Variants in TRIO observed in about 807,000 individuals in gnomAD.
TRIO encodes the protein trio Rho guanine nucleotide exchange factor, also known as triple functional domain protein.
In TRIO, 58 loss-of-function variants were observed where a neutral mutation model predicts 351.9. That is an observed-to-expected ratio of 0.16 (90% CI 0.13 to 0.21). The LOEUF is 0.21. TRIO is among the 10% of genes least tolerant of loss of function. TRIO has a pLI of 1.00. For synonymous variants in TRIO, 1,758 were observed against 1,595.7 expected, an observed-to-expected ratio of 1.10 and a Z score of -2.42; for missense variants, 3,201 against 4,027.8, an observed-to-expected ratio of 0.79 and a Z score of 5.56.
intron 11 of TRIO, among the ~76,000 whole-genome samples, chr5:14,348,592 T>C (rs1335649908): frequency 6.6e-6 from 1 of 152,222 alleles, no homozygotes; most frequent in Non-Finnish European, 1.5e-5. Flanking sequence ...TGCATGTGCA[T>C]GCACATCAGC....
chr5:14,375,791 G>GA (rs1257103763), intron 19 of TRIO, among the ~76,000 whole-genome samples: 2 of 152,146 alleles, frequency 1.3e-5, no homozygotes, highest in Admixed American at 1.3e-4. Context: ...TAGGAGACTA[G>GA]AAAAAATGCG....
In TRIO at chr5:14,498,071, G is replaced by A. The variant is rs776776735; in HGVS notation, c.8048-18G>A. The A allele has an allele frequency of 1.4e-5, 22 of 1,613,868 alleles. No individual in the cohort carries two copies. Among genetic ancestry groups the A allele is most frequent in the South Asian group, 9.9e-5 (9 of 91,052 alleles). On this transcript the variant is annotated intron_variant, in intron 51 of 56. Coordinates refer to ENST00000344204, the MANE Select transcript of TRIO (RefSeq NM_007118.4). ...GAGCCAGGGCTGATGGGCCTTTACC[G>A]ACTCCTTTCCCATGCAGTTCCCCCA... is the stretch of plus-strand genomic sequence containing the variant.
rs1045136451 is a variant in TRIO, at chr5:14,143,759, G to C, written c.34G>C (p.Ala12Pro). Residue 12 changes from alanine (A) to proline (P), a missense_variant, in exon 1 of 57, where the codon GCC becomes CCC. Ala to Pro is a conservative substitution (Grantham distance 27). This residue lies in a region of TRIO where 109 missense variants were observed against 134.6 expected (regional missense o/e 0.81). Transcript: ENST00000344204. ...CAGCAGCGGCGGAGCCGCCGCCCCC[G>C]CCGCGTCCTCCGGCCCCGCCGCGGC... ...SGSSGGAAAPAASSGPAAAAS... is the reference protein window; with the variant it reads ...SGSSGGAAAPPASSGPAAAAS... 1 of 993,654 alleles carries C rather than the reference G, an allele frequency of 1.0e-6. No individual in the cohort carries two copies. Among genetic ancestry groups the C allele is most frequent in the African/African-American group, 1.8e-5 (1 of 56,906 alleles). 61.6% of individuals were successfully genotyped at this position (993,654 alleles called of 1,614,324 possible). A position where few individuals can be genotyped will look rare whatever the true frequency, so the allele number is the denominator to read the frequency against.
chr5:14,219,626 G>A (rs1163968598), intron 1 of TRIO, among the ~76,000 whole-genome samples: 2 of 152,122 alleles, frequency 1.3e-5, no homozygotes, highest in Non-Finnish European at 2.9e-5. Context: ...AACCTGGGCC[G>A]GGTCTTCTGC....
At chr5:14,481,825 C>T in intron 45 of TRIO, 1 of 511,906 alleles carries the variant, frequency 2.0e-6, no homozygotes, top group Non-Finnish European at 3.3e-6. Flanking sequence ...TTGGGACTTG[C>T]CTGTGCTCAA....
At chr5:14,436,759 A>G (rs1425536728) in intron 34 of TRIO, among the ~76,000 whole-genome samples, 1 of 152,196 alleles carries the variant, frequency 6.6e-6, no homozygotes, top group Non-Finnish European at 1.5e-5. Flanking sequence ...AAACTCAGAA[A>G]TGATCTCCTT....
chr5:14,199,180 C>A, intron 1 of TRIO, among the ~76,000 whole-genome samples: 1 of 105,306 alleles, frequency 9.5e-6, no homozygotes, highest in African/African-American at 3.8e-5. Context: ...CCAGCCTGGG[C>A]AACAGAGTGG....
chr5:14,169,641 CCTTA>C (rs544940081), intron 1 of TRIO, among the ~76,000 whole-genome samples: 61 of 152,232 alleles, frequency 4.0e-4, no homozygotes, highest in African/African-American at 1.4e-3. Context: ...ACTTGTTCAC[CCTTA>C]CTTTGTGCAG....
At chr5:14,148,124 CTATT>C (rs1787621180) in intron 1 of TRIO, among the ~76,000 whole-genome samples, 1 of 152,184 alleles carries the variant, frequency 6.6e-6, no homozygotes, top group Non-Finnish European at 1.5e-5. Flanking sequence ...TGCAATTTAA[CTATT>C]TAAGATTCAA....
chr5:14,144,829 C>T (rs1422816098), intron 1 of TRIO, among the ~76,000 whole-genome samples: 1 of 151,736 alleles, frequency 6.6e-6, no homozygotes, highest in East Asian at 1.9e-4. Flanking sequence ...GCCGGGCCCG[C>T]GTCCCCGCGT....
intron 1 of TRIO, among the ~76,000 whole-genome samples, chr5:14,233,626 C>T (rs1793600706): frequency 1.3e-5 from 2 of 152,074 alleles, no homozygotes; most frequent in Non-Finnish European, 2.9e-5. Flanking sequence ...CACAGTGGCA[C>T]ACTGAATCTA....
chr5:14,497,639 TTG>T lies in TRIO; in HGVS notation c.8020-204_8020-203del, dbSNP rs2126679604. On this transcript the variant is annotated intron_variant, in intron 50 of 56. Transcript: ENST00000344204. The surrounding 1 kb of genome is among the most constrained non-coding windows in gnomAD (Gnocchi z 4.4). ...AAAAACACACATCTAAGCAGTGTTT[TTG>T]TGTTTGTGGGTAGGAAGAAAAAGAC... is the stretch of plus-strand genomic sequence containing the variant. 6.6e-6 allele frequency among the ~76,000 whole-genome samples: 1 copy of T among 152,262 alleles called. No individual in the cohort carries two copies. Among genetic ancestry groups the T allele is most frequent in the East Asian group, 1.9e-4 (1 of 5,178 alleles).
chr5:14,353,302 C>T (rs934009328), intron 11 of TRIO, among the ~76,000 whole-genome samples: 1 of 137,942 alleles, frequency 7.2e-6, no homozygotes, highest in African/African-American at 2.7e-5. Context: ...GAGACTGAGT[C>T]GCCCAGGCTG....
intron 34 of TRIO, among the ~76,000 whole-genome samples, chr5:14,448,701 T>A (rs927630508): frequency 2.0e-5 from 3 of 152,114 alleles, no homozygotes; most frequent in Admixed American, 6.5e-5. Flanking sequence ...GGCATGGATG[T>A]CTTCAGCTGG....
rs144114662 is a variant in TRIO at position 14,502,605 on chromosome 5, A to T, written c.8359A>T (p.Thr2787Ser). The change falls in exon 54 of 57, where the codon ACC (threonine) becomes TCC (serine). Residue 2787 changes from threonine to serine, a missense_variant. Thr to Ser is a moderately conservative substitution (Grantham distance 58). Coordinates refer to ENST00000344204, the MANE Select transcript of TRIO (RefSeq NM_007118.4). ...LGPGMDGIMVTWKDNFDSFYS... is the reference protein window; with the variant it reads ...LGPGMDGIMVSWKDNFDSFYS... The stretch of plus-strand genomic sequence containing the variant: ...TCCAGGGATGGATGGGATCATGGTG[A>T]CCTGGAAAGACAACTTTGACTCCTT... 3.5e-4 allele frequency: 571 copies of T among 1,614,204 alleles called. No individual in the cohort carries two copies. The highest frequency in any genetic ancestry group is 9.0e-4 in the Admixed American group (54 of 60,030).
intron 11 of TRIO, among the ~76,000 whole-genome samples, chr5:14,338,424 A>C (rs183345553): frequency 6.6e-6 from 1 of 152,262 alleles, no homozygotes; most frequent in East Asian, 1.9e-4. Flanking sequence ...TGAGACAAGG[A>C]TGGGCGTGGT....
chr5:14,504,034 G>A (rs913115960), intron 54 of TRIO, among the ~76,000 whole-genome samples: 2 of 152,234 alleles, frequency 1.3e-5, no homozygotes, highest in Non-Finnish European at 2.9e-5. Context: ...CGGGAGGCGT[G>A]AGCAGCCATC....
chr5:14,193,449 T>C (rs549741412), intron 1 of TRIO, among the ~76,000 whole-genome samples: 1 of 152,198 alleles, frequency 6.6e-6, no homozygotes, highest in Non-Finnish European at 1.5e-5. Context: ...ACTTTAAAAA[T>C]ATGAAAACAT....
rs1754665119 is a variant in TRIO, at chr5:14,471,298, A to G, written c.5764-20A>G. 1.9e-6 allele frequency: 3 copies of G among 1,612,310 alleles called. No individual in the cohort carries two copies. Among genetic ancestry groups the G allele is most frequent in the Non-Finnish European group, 2.5e-6 (3 of 1,179,066 alleles). On this transcript the variant is annotated intron_variant, in intron 37 of 56. Transcript: ENST00000344204. ...GGGCTGTGGGCAGTAAGTGTTGTTGATTATGTCAATTTCTTCCAGGCACTG... is the reference window on the plus strand; with the variant it reads ...GGGCTGTGGGCAGTAAGTGTTGTTGGTTATGTCAATTTCTTCCAGGCACTG...
Sources: allele counts gnomAD v4.1 joint callset (sites outside exome capture counted in the v4.1 genomes callset), GRCh38; gene constraint gnomAD v4.1.1; regional missense constraint gnomAD v4.1.1; non-coding constraint Gnocchi (gnomAD v3.1); transcripts MANE v1.5; gene names NCBI Gene and HGNC (gene_info 2026-07-23, HGNC 2026-07-21).